Variants in HTR4 observed in about 807,000 individuals in gnomAD.
HTR4 encodes 5-hydroxytryptamine (serotonin) receptor 4, G protein-coupled.
In HTR4, 16 loss-of-function variants were observed where a neutral mutation model predicts 36.8. The ratio of observed to expected loss-of-function variants is 0.43; its 90% CI spans 0.29 to 0.66. HTR4 has a LOEUF of 0.66. Among genes scored for constraint, HTR4 ranks in the 30% least tolerant of loss-of-function variants. The probability of loss-of-function intolerance (pLI) is 0.13; values close to 1 mark genes in which losing one functional copy is unlikely to be tolerated. For missense variants in HTR4, 438 were observed against 490.9 expected, an observed-to-expected ratio of 0.89 and a Z score of 1.02; for synonymous variants, 189 against 185.1, an observed-to-expected ratio of 1.02 and a Z score of -0.17.
chr5:148,488,086 C>T (rs891465575), intron 6 of HTR4, among the ~76,000 whole-genome samples: 2 of 152,088 alleles, frequency 1.3e-5, no homozygotes, highest in Admixed American at 6.6e-5. Flanking sequence ...GTCTATAAAC[C>T]GTGAGGCACA....
chr5:148,517,136 C>T (rs191205958), intron 5 of HTR4, among the ~76,000 whole-genome samples: 64 of 152,234 alleles, frequency 4.2e-4, no homozygotes, highest in African/African-American at 5.3e-4. Flanking sequence ...TGACAGTTCC[C>T]GCCTTATCTA....
At chr5:148,492,016 G>T (rs1756474222) in intron 6 of HTR4, among the ~76,000 whole-genome samples, 1 of 152,202 alleles carries the variant, frequency 6.6e-6, no homozygotes, top group Admixed American at 6.5e-5. Context: ...AGGGTTGAAG[G>T]CCAGGGCACC....
Position 148,548,197 on chromosome 5 carries a change from T to C in HTR4, c.353+471A>G, listed in dbSNP as rs528657283. Among the ~76,000 whole-genome samples the C allele has an allele frequency of 2.6e-5, 4 of 152,330 alleles. No homozygotes were observed. The East Asian group carries it at 7.7e-4, about 29-fold the overall frequency. Reference sequence around the variant, plus strand: ...ACTTTCTGGAAAAGAGTCTCCACAATTATATGCACATACATAAATATGTAT... The same window carrying C: ...ACTTTCTGGAAAAGAGTCTCCACAACTATATGCACATACATAAATATGTAT... On this transcript the variant is annotated intron_variant, in intron 4 of 6. Transcript: ENST00000377888.
At chr5:148,566,035 C>T (rs1581484934) in intron 2 of HTR4, among the ~76,000 whole-genome samples, 1 of 152,152 alleles carries the variant, frequency 6.6e-6, no homozygotes, top group East Asian at 1.9e-4. Context: ...ATCCTTATAG[C>T]TGTTCATAAA....
chr5:148,636,459 G>A (rs1753540343), intron 2 of HTR4, among the ~76,000 whole-genome samples: 1 of 152,114 alleles, frequency 6.6e-6, no homozygotes, highest in Non-Finnish European at 1.5e-5. Context: ...TTCCCTAGGA[G>A]TCAGACTACT....
At chr5:148,534,744 T>C (rs1758731155) in intron 4 of HTR4, among the ~76,000 whole-genome samples, 1 of 151,994 alleles carries the variant, frequency 6.6e-6, no homozygotes, top group Non-Finnish European at 1.5e-5. Context: ...CCCCAGCACA[T>C]ACCCTTCAGT....
intron 5 of HTR4, among the ~76,000 whole-genome samples, chr5:148,458,351 A>T (rs1561559103): frequency 6.6e-6 from 1 of 151,780 alleles, no homozygotes; most frequent in Non-Finnish European, 1.5e-5. Flanking sequence ...TTATTTACTA[A>T]AATTTTTTTT....
At chr5:148,636,600 G>A (rs936374059) in intron 2 of HTR4, among the ~76,000 whole-genome samples, 3 of 152,166 alleles carry the variant, frequency 2.0e-5, no homozygotes, top group African/African-American at 7.2e-5. Flanking sequence ...GAGAAAAGAA[G>A]TGGACAAACT....
At chr5:148,585,427 A>G (rs900388817) in intron 2 of HTR4, among the ~76,000 whole-genome samples, 1 of 152,226 alleles carries the variant, frequency 6.6e-6, no homozygotes, top group African/African-American at 2.4e-5. Context: ...TAAAGCTAGA[A>G]AGATAGCTTA....
At chr5:148,532,349 T>G (rs1305328234) in intron 4 of HTR4, among the ~76,000 whole-genome samples, 2 of 152,244 alleles carry the variant, frequency 1.3e-5, no homozygotes, top group Non-Finnish European at 2.9e-5. Context: ...GACAGCAATG[T>G]TTGCCTTGTT....
rs1755937220 is a variant in HTR4, at chr5:148,482,539, A to G, written c.*664T>C. On this transcript the variant is annotated 3_prime_UTR_variant, in exon 7 of 7. Transcript: ENST00000377888. ...GTCTTCCATGGAAAATAAATGGAGC[A>G]TGTCCTGAAGAGGAGGACAGACATT... 1.0e-6 allele frequency: 1 copy of G among 985,628 alleles called. No individual in the cohort carries two copies. Among genetic ancestry groups the G allele is most frequent in the Admixed American group, 6.1e-5 (1 of 16,314 alleles). The allele number at this position is 985,628 out of a possible 1,614,324, so 61.1% of individuals were successfully genotyped here.
intron 4 of HTR4, 57 bp from the exon 5 acceptor site, chr5:148,523,403 A>T: frequency 1.4e-6 from 2 of 1,438,954 alleles, no homozygotes; most frequent in Non-Finnish European, 1.9e-6. Context: ...TGGGAGGGAG[A>T]GAAAAGAGAA....
intron 2 of HTR4, among the ~76,000 whole-genome samples, chr5:148,563,932 CTGAA>C (rs896515515): frequency 1.3e-5 from 2 of 152,138 alleles, no homozygotes; most frequent in Admixed American, 6.5e-5. Flanking sequence ...GAATGACTGA[CTGAA>C]TGAATGAATG....
downstream of HTR4, among the ~76,000 whole-genome samples, chr5:148,477,224 T>C (rs1388771584): frequency 3.3e-5 from 5 of 152,210 alleles, no homozygotes. Flanking sequence ...CATAGCCAGA[T>C]TGATTTCCAC....
At chr5:148,534,563 G>T (rs1015317053) in intron 4 of HTR4, among the ~76,000 whole-genome samples, 1 of 152,142 alleles carries the variant, frequency 6.6e-6, no homozygotes, top group Non-Finnish European at 1.5e-5. Flanking sequence ...CACTGCTTCT[G>T]CAGTGGAACT....
chr5:148,590,442 A>G (rs1488681966), intron 2 of HTR4, among the ~76,000 whole-genome samples: 2 of 151,662 alleles, frequency 1.3e-5, no homozygotes, highest in African/African-American at 4.8e-5. Flanking sequence ...GATTATAGGC[A>G]TGCGCCACCA....
At chr5:148,458,105 TATTA>T (rs1160904712) in intron 5 of HTR4, among the ~76,000 whole-genome samples, 1 of 57,284 alleles carries the variant, frequency 1.7e-5, no homozygotes, top group African/African-American at 4.2e-5. Flanking sequence ...TTTTAATATC[TATTA>T]AATAGATCTT....
chr5:148,604,831 A>G (rs557392409), intron 2 of HTR4, among the ~76,000 whole-genome samples: 1 of 152,352 alleles, frequency 6.6e-6, no homozygotes, highest in South Asian at 2.1e-4. Flanking sequence ...AGAGGTAGGG[A>G]CTAAGCACTT....
In HTR4 at chr5:148,498,461, C is replaced by T. The variant is rs889573173; in HGVS notation, c.1076+10995G>A. ...ATAAATCTGAAGAGAATCAGGAACA[C>T]CTTTCATCAGCAAAAATGATCAATC... On this transcript the variant is annotated intron_variant, in intron 6 of 6. Coordinates refer to ENST00000377888, the MANE Select transcript of HTR4 (RefSeq NM_000870.7). Among the ~76,000 whole-genome samples, 79 of 152,060 alleles carry T rather than the reference C, an allele frequency of 5.2e-4. 1 individual carries two copies. The highest frequency in any genetic ancestry group is 1.2e-4 in the Non-Finnish European group (8 of 68,008).
Sources: allele counts gnomAD v4.1 joint callset (sites outside exome capture counted in the v4.1 genomes callset), GRCh38; gene constraint gnomAD v4.1.1; transcripts MANE v1.5; gene names NCBI Gene and HGNC (gene_info 2026-07-23, HGNC 2026-07-21).